The following SNTG1 variants were observed in gnomAD, a reference collection of about 807,000 sequenced individuals.
SNTG1 encodes the protein gamma-1-syntrophin.
SNTG1 carries 39 observed loss-of-function variants against 74.7 expected under a neutral mutation model. That is an observed-to-expected ratio of 0.52 (90% CI 0.40 to 0.68). The LOEUF (loss-of-function observed/expected upper bound fraction) is 0.68, where lower values mean the gene tolerates loss of function less well. Among genes scored for constraint, SNTG1 ranks in the 30% least tolerant of loss-of-function variants. SNTG1 has a pLI of 0.00. For synonymous variants in SNTG1, 254 were observed against 217.1 expected (o/e 1.17, Z -1.49); for missense variants, 685 against 609.5 (o/e 1.12, Z -1.30).
intron 1 of SNTG1, among the ~76,000 whole-genome samples, chr8:50,157,067 C>T (rs2082276613): frequency 6.6e-6 from 1 of 152,018 alleles, no homozygotes; most frequent in African/African-American, 2.4e-5. Context: ...GCAATGATTG[C>T]TACTCAGCAA....
intron 8 of SNTG1, among the ~76,000 whole-genome samples, chr8:50,465,443 T>C (rs1470488793): frequency 6.6e-6 from 1 of 152,198 alleles, no homozygotes; most frequent in Non-Finnish European, 1.5e-5. Flanking sequence ...CACAACCTCC[T>C]AAGTTGTTTT....
At chr8:50,272,282 T>TAC (rs2087824275) in intron 2 of SNTG1, among the ~76,000 whole-genome samples, 1 of 152,234 alleles carries the variant, frequency 6.6e-6, no homozygotes, top group Non-Finnish European at 1.5e-5. Context: ...TGTTTCTGGT[T>TAC]ACAGTGGGCC....
At chr8:50,306,219 C>A (rs12547038) in intron 2 of SNTG1, among the ~76,000 whole-genome samples, 2 of 151,794 alleles carry the variant, frequency 1.3e-5, no homozygotes, top group Middle Eastern at 3.2e-3. Flanking sequence ...CTGCAAAGGA[C>A]GTTATTTCAT....
At chr8:49,958,198 C>G (rs527719489) in intron 1 of SNTG1, among the ~76,000 whole-genome samples, 1 of 152,084 alleles carries the variant, frequency 6.6e-6, no homozygotes, top group Non-Finnish European at 1.5e-5. Flanking sequence ...AAAGGCCCAG[C>G]CTATGGGGAT....
chr8:49,924,298 T>C (rs907976535), intron 1 of SNTG1, among the ~76,000 whole-genome samples: 7 of 152,190 alleles, frequency 4.6e-5, no homozygotes, highest in Non-Finnish European at 1.0e-4. Context: ...AAAAAAAGTT[T>C]GTTAGAAAAT....
At chr8:50,400,959 T>C (rs1457226466) in intron 3 of SNTG1, among the ~76,000 whole-genome samples, 2 of 152,138 alleles carry the variant, frequency 1.3e-5, no homozygotes, top group Admixed American at 1.3e-4. Flanking sequence ...TTGAATGTTC[T>C]CACAACACAT....
At chr8:50,094,954 A>T (rs775429281) in intron 1 of SNTG1, among the ~76,000 whole-genome samples, 7 of 152,324 alleles carry the variant, frequency 4.6e-5, no homozygotes, top group Non-Finnish European at 1.0e-4. Context: ...TGGCACATAT[A>T]CACCATAGAC....
rs145773669 is a variant in SNTG1, at chr8:50,636,782, T to C, written c.850-20127T>C. ...TTCTTATGAAGGTCCTTTTTTAATG[T>C]AGTTATTAAATTTGGTGTTCCTGTG... On this transcript the variant is annotated intron_variant, in intron 13 of 18. Transcript: ENST00000642720. 2.5e-3 allele frequency among the ~76,000 whole-genome samples: 380 copies of C among 152,296 alleles called. 3 individuals are homozygous for C. Among genetic ancestry groups the C allele is most frequent in the African/African-American group, 8.7e-3 (363 of 41,560 alleles).
intron 1 of SNTG1, among the ~76,000 whole-genome samples, chr8:50,108,059 C>A (rs372073111): frequency 1.3e-5 from 2 of 151,854 alleles, no homozygotes; most frequent in Non-Finnish European, 1.5e-5. Context: ...AGGTCTTTTG[C>A]TGGCAACAAG....
intron 13 of SNTG1, among the ~76,000 whole-genome samples, chr8:50,612,479 C>T (rs1205411278): frequency 6.6e-6 from 1 of 152,094 alleles, no homozygotes; most frequent in Admixed American, 6.5e-5. Flanking sequence ...AGCTATTCTC[C>T]TTTGTCACTT....
chr8:50,681,684 G>A (rs908498342), intron 15 of SNTG1, among the ~76,000 whole-genome samples: 2 of 152,162 alleles, frequency 1.3e-5, no homozygotes, highest in African/African-American at 4.8e-5. Context: ...AGCCAGCAAT[G>A]CTAAGAATTC....
At chr8:50,574,416 T>C (rs1479300285) in intron 12 of SNTG1, among the ~76,000 whole-genome samples, 2 of 152,116 alleles carry the variant, frequency 1.3e-5, no homozygotes, top group Non-Finnish European at 2.9e-5. Flanking sequence ...ACGTGTGCCT[T>C]AATTATATTT....
intron 1 of SNTG1, among the ~76,000 whole-genome samples, chr8:49,993,842 T>C (rs1813921222): frequency 6.6e-6 from 1 of 152,214 alleles, no homozygotes; most frequent in South Asian, 2.1e-4. Flanking sequence ...GTCTTTGTTA[T>C]TGTGTTCTCT....
chr8:49,985,935 A>C (rs1404464203), intron 1 of SNTG1, among the ~76,000 whole-genome samples: 1 of 152,152 alleles, frequency 6.6e-6, no homozygotes, highest in African/African-American at 2.4e-5. Flanking sequence ...GTTTCATAGA[A>C]GTCTACTTAT....
intron 1 of SNTG1, among the ~76,000 whole-genome samples, chr8:49,956,397 T>C (rs2129398620): frequency 6.6e-6 from 1 of 152,176 alleles, no homozygotes; most frequent in East Asian, 1.9e-4. Context: ...TATTTTGCTA[T>C]TTTATACAGT....
chr8:50,341,921 C>T (rs1165317996), intron 2 of SNTG1, among the ~76,000 whole-genome samples: 1 of 151,880 alleles, frequency 6.6e-6, no homozygotes, highest in African/African-American at 2.4e-5. Flanking sequence ...AATAGATGAC[C>T]ATTTTCCAAA....
chr8:50,002,271 G>A (rs1044564596), intron 1 of SNTG1, among the ~76,000 whole-genome samples: 3 of 151,962 alleles, frequency 2.0e-5, no homozygotes, highest in Non-Finnish European at 4.4e-5. Flanking sequence ...TTTAGCCATC[G>A]GCATAGTCCA....
chr8:50,598,650 T>C (rs1251352084), intron 13 of SNTG1, among the ~76,000 whole-genome samples: 1 of 152,024 alleles, frequency 6.6e-6, no homozygotes, highest in African/African-American at 2.4e-5. Flanking sequence ...TCATTAAATA[T>C]GTAGATGGCT....
intron 1 of SNTG1, among the ~76,000 whole-genome samples, chr8:50,076,064 T>TA (rs1255688346): frequency 2.0e-5 from 3 of 152,148 alleles, no homozygotes; most frequent in Non-Finnish European, 4.4e-5. Context: ...CTTCAATTTG[T>TA]AAAAAATCCA....
Sources: allele counts gnomAD v4.1 joint callset (sites outside exome capture counted in the v4.1 genomes callset), GRCh38; gene constraint gnomAD v4.1.1; transcripts MANE v1.5; gene names NCBI Gene and HGNC (gene_info 2026-07-23, HGNC 2026-07-21).